The following LGSN variants were observed in gnomAD, a reference collection of about 807,000 sequenced individuals.
LGSN encodes the protein lengsin.
Under a neutral mutation model 19.5 loss-of-function variants are expected in LGSN, and 21 were observed. That is an observed-to-expected ratio of 1.07 (90% CI 0.76 to 1.55). The LOEUF (loss-of-function observed/expected upper bound fraction) is 1.55. LGSN is among the 40% of genes most tolerant of loss of function. The pLI, the probability that LGSN is intolerant of heterozygous loss-of-function variation, is 0.00. For synonymous variants in LGSN, 257 were observed against 215.6 expected, an observed-to-expected ratio of 1.19 and a Z score of -1.68; for missense variants, 673 against 608.5, an observed-to-expected ratio of 1.11 and a Z score of -1.12.
At chr6:63,412,772 G>GAAACAAAGA in the LGSN span, among the ~76,000 whole-genome samples, 1,171 of 41,192 alleles carry the variant, frequency 0.028, 23 homozygotes, top group Non-Finnish European at 0.041. Context: ...AGAAAGAAAG[G>GAAACAAAGA]AAGGAAGGGA....
At chr6:63,282,826 G>A (rs1470133239) in intron 3 of LGSN, among the ~76,000 whole-genome samples, 9 of 151,904 alleles carry the variant, frequency 5.9e-5, no homozygotes, top group Admixed American at 2.6e-4. Flanking sequence ...CGCTTACTGT[G>A]GGATATTAGA....
the LGSN span, among the ~76,000 whole-genome samples, chr6:63,357,188 T>C: frequency 6.6e-6 from 1 of 152,146 alleles, no homozygotes; most frequent in Non-Finnish European, 1.5e-5. Flanking sequence ...CTGCATAGTA[T>C]TCCATGGTGT....
At chr6:63,540,446 C>A in the LGSN span, among the ~76,000 whole-genome samples, 1 of 151,888 alleles carries the variant, frequency 6.6e-6, no homozygotes, top group Admixed American at 6.6e-5. Context: ...CATGGTGAAA[C>A]CCCGTCTCTA....
At chr6:63,323,568 A>ACG (rs199665550), upstream of LGSN, among the ~76,000 whole-genome samples, 2 of 121,408 alleles carry the variant, frequency 1.6e-5, no homozygotes, top group African/African-American at 5.8e-5. Flanking sequence ...ATACACACAC[A>ACG]CACACACACA....
At chr6:63,335,298 G>C in the LGSN span, among the ~76,000 whole-genome samples, 1 of 152,012 alleles carries the variant, frequency 6.6e-6, no homozygotes, top group Non-Finnish European at 1.5e-5. Context: ...ACTTACAAGT[G>C]AGACCTGAAA....
At chr6:63,505,629 G>GAAATAAATAAATAAAT in the LGSN span, among the ~76,000 whole-genome samples, 111 of 87,904 alleles carry the variant, frequency 1.3e-3, 9 homozygotes, top group Middle Eastern at 0.014. Flanking sequence ...AAGAAAGAAA[G>GAAATAAATAAATAAAT]AAAGAAATTC....
chr6:63,315,654 GTA>G (rs779155367), intron 1 of LGSN, among the ~76,000 whole-genome samples: 1 of 128,208 alleles, frequency 7.8e-6, no homozygotes. Context: ...GTGTGTGTGT[GTA>G]TGCATGCTCT....
chr6:63,504,913 G>A, the LGSN span, among the ~76,000 whole-genome samples: 1 of 152,196 alleles, frequency 6.6e-6, no homozygotes, highest in Admixed American at 6.5e-5. Context: ...CCATTTCTGA[G>A]TGGCAATACC....
the LGSN span, among the ~76,000 whole-genome samples, chr6:63,484,089 G>T: frequency 1.3e-5 from 2 of 152,130 alleles, no homozygotes; most frequent in Non-Finnish European, 2.9e-5. Flanking sequence ...AGGAGTTCGA[G>T]GTTACAGTGA....
At chr6:63,448,599 TA>T in the LGSN span, among the ~76,000 whole-genome samples, 291 of 146,340 alleles carry the variant, frequency 2.0e-3, 1 homozygote, top group Middle Eastern at 0.014. Context: ...CCTCGATCAT[TA>T]AAAAAAAAAA....
intron 1 of LGSN, among the ~76,000 whole-genome samples, chr6:63,314,228 T>C (rs1206015489): frequency 1.3e-5 from 2 of 152,056 alleles, no homozygotes; most frequent in Admixed American, 1.3e-4. Flanking sequence ...CAAGATACAA[T>C]TAGTGCCCTT....
chr6:63,530,919 A>G, the LGSN span, among the ~76,000 whole-genome samples: 1 of 152,214 alleles, frequency 6.6e-6, no homozygotes, highest in Non-Finnish European at 1.5e-5. Context: ...AATGGTTTCC[A>G]TACCAATGGA....
the LGSN span, among the ~76,000 whole-genome samples, chr6:63,335,342 CTCT>C: frequency 5.9e-5 from 9 of 152,000 alleles, no homozygotes; most frequent in African/African-American, 1.9e-4. Flanking sequence ...ATAGGAAAAA[CTCT>C]TCAAGACATT....
the LGSN span, among the ~76,000 whole-genome samples, chr6:63,515,525 C>A: frequency 6.6e-6 from 1 of 152,182 alleles, no homozygotes; most frequent in Admixed American, 6.5e-5. Context: ...GCCACCCCAC[C>A]TGGCCTCTAA....
the LGSN span, among the ~76,000 whole-genome samples, chr6:63,453,699 G>A: frequency 1.3e-3 from 191 of 152,136 alleles, no homozygotes; most frequent in Non-Finnish European, 2.5e-3. Context: ...TGTTGCCCAG[G>A]CTGGAGTGCA....
the LGSN span, among the ~76,000 whole-genome samples, chr6:63,467,644 ACC>A: frequency 6.6e-6 from 1 of 152,194 alleles, no homozygotes; most frequent in Non-Finnish European, 1.5e-5. Flanking sequence ...ACAGCAGGAT[ACC>A]AGTCCTATTG....
At chr6:63,329,485 G>A in the LGSN span, among the ~76,000 whole-genome samples, 1 of 152,174 alleles carries the variant, frequency 6.6e-6, no homozygotes, top group South Asian at 2.1e-4. Context: ...CCAGAATTGG[G>A]GTGTTGCAGG....
the LGSN span, among the ~76,000 whole-genome samples, chr6:63,490,390 T>G: frequency 6.6e-6 from 1 of 152,250 alleles, no homozygotes; most frequent in Admixed American, 6.5e-5. Context: ...GATGCCAACC[T>G]TATGATGACC....
the LGSN span, among the ~76,000 whole-genome samples, chr6:63,357,155 A>G: frequency 4.8e-4 from 73 of 152,266 alleles, no homozygotes; most frequent in African/African-American, 1.6e-3. Flanking sequence ...TGCAAAGGAC[A>G]TGAACTCATC....
Sources: allele counts gnomAD v4.1 joint callset (sites outside exome capture counted in the v4.1 genomes callset), GRCh38; gene constraint gnomAD v4.1.1; transcripts MANE v1.5; gene names NCBI Gene and HGNC (gene_info 2026-07-23, HGNC 2026-07-21).